Variants in RFLNA observed in about 807,000 individuals in gnomAD.
RFLNA encodes refilin A, also known as refilin-A.
In RFLNA, 5 loss-of-function variants were observed where a neutral mutation model predicts 7.8. That is an observed-to-expected ratio of 0.64 (90% confidence interval 0.34 to 1.35). The LOEUF (loss-of-function observed/expected upper bound fraction) is 1.35, where lower values mean the gene tolerates loss of function less well. Among genes scored for constraint, RFLNA ranks in the 40% most tolerant of loss-of-function variants. RFLNA has a pLI of 0.04. For synonymous variants in RFLNA, 141 were observed against 131.3 expected, an observed-to-expected ratio of 1.07 and a Z score of -0.50; for missense variants, 278 against 305.5, an observed-to-expected ratio of 0.91 and a Z score of 0.67.
At position 124,295,472 on chromosome 12, in the gene RFLNA, A is replaced by G; in HGVS notation, c.43A>G (p.Lys15Glu). 1.6e-6 allele frequency: 2 copies of G among 1,263,532 alleles called. No homozygotes were observed. The highest frequency in any genetic ancestry group is 3.1e-5 in the East Asian group (1 of 31,900). The allele number at this position is 1,263,532 out of a possible 1,614,324, so 78.3% of individuals were successfully genotyped here. A position where few individuals can be genotyped will look rare whatever the true frequency, so the allele number is the denominator to read the frequency against. Residue 15 changes from lysine to glutamate, a missense_variant, in exon 1 of 3, where the codon AAG becomes GAG. Physicochemically the swap from Lys to Glu is moderately conservative, Grantham distance 56. Transcript: ENST00000546355. ...TCTGCAGGGCATGGAGGACAGCCTG[A>G]AGGAGCAGGGCCGGGAGGGCTTGCT... ...LHLQGMEDSL[K>E]EQGREGLLDS... is the part of the protein sequence containing the mutation.
Position 124,315,016 on chromosome 12 carries a change from T to G in RFLNA, c.*491T>G, listed in dbSNP as rs1336409040. On this transcript the variant is annotated 3_prime_UTR_variant, in exon 3 of 3. Transcript: ENST00000546355. ...GTACCTCTCTTCCCTGCTGCTGGCC[T>G]GGGGTATTTCCAAAACAGCCTTTTC... 4 of 264,824 alleles carry G rather than the reference T, an allele frequency of 1.5e-5. No individual in the cohort carries two copies. The highest frequency in any genetic ancestry group is 3.0e-5 in the Non-Finnish European group (4 of 133,064). The allele number at this position is 264,824 out of a possible 1,614,324, so 16.4% of individuals were successfully genotyped here. A position where few individuals can be genotyped will look rare whatever the true frequency, so the allele number is the denominator to read the frequency against.
At chr12:124,307,941 C>T (rs1406360687) in intron 1 of RFLNA, among the ~76,000 whole-genome samples, 2 of 152,010 alleles carry the variant, frequency 1.3e-5, no homozygotes, top group Non-Finnish European at 2.9e-5. Flanking sequence ...TGTGCCCCTG[C>T]CATCCCTGCC....
At chr12:124,295,002 C>T (rs2033879418), upstream of RFLNA, among the ~76,000 whole-genome samples, 1 of 151,954 alleles carries the variant, frequency 6.6e-6, no homozygotes, top group African/African-American at 2.4e-5. Flanking sequence ...AGGCGCCGGG[C>T]CGGGGCTGTT....
upstream of RFLNA, among the ~76,000 whole-genome samples, chr12:124,294,958 C>A (rs1208823194): frequency 3.9e-5 from 6 of 152,220 alleles, no homozygotes; most frequent in East Asian, 1.2e-3. Flanking sequence ...GCTGGCTGGG[C>A]GCGCAGTGCC....
upstream of RFLNA, among the ~76,000 whole-genome samples, chr12:124,290,435 T>C (rs2033804403): frequency 6.6e-6 from 1 of 152,236 alleles, no homozygotes; most frequent in African/African-American, 2.4e-5. This position sits in a 1 kb window ranked among gnomAD's most constrained non-coding sequence, Gnocchi z 4.0. Context: ...TGTATGTGCA[T>C]ACATGTGTAT....
At chr12:124,300,706 G>C (rs945635001) in intron 1 of RFLNA, among the ~76,000 whole-genome samples, 8 of 150,026 alleles carry the variant, frequency 5.3e-5, no homozygotes, top group Non-Finnish European at 8.9e-5. Context: ...AAGGATGGAT[G>C]GATGGGCAGA....
upstream of RFLNA, among the ~76,000 whole-genome samples, chr12:124,294,281 T>C (rs1394252364): frequency 6.6e-6 from 1 of 152,198 alleles, no homozygotes; most frequent in African/African-American, 2.4e-5. Flanking sequence ...CTTCGCCCTA[T>C]TAGCCTCTCC....
intron 2 of RFLNA, among the ~76,000 whole-genome samples, chr12:124,312,616 C>G (rs1345721564): frequency 2.0e-5 from 3 of 152,146 alleles, no homozygotes; most frequent in South Asian, 2.1e-4. Context: ...CAGCCCCTGA[C>G]AGATTGTTAG....
chr12:124,310,172 C>CAAAAAAAAAAAAAAAAAA (rs71088996), intron 1 of RFLNA, among the ~76,000 whole-genome samples: 1,446 of 17,100 alleles, frequency 0.085, 541 homozygotes, highest in Non-Finnish European at 0.14. Context: ...GACTCTGTCT[C>CAAAAAAAAAAAAAAAAAA]AAAAAAAAAA....
In RFLNA at chr12:124,314,570, G is replaced by T; in HGVS notation, c.*45G>T. 1 of 1,533,848 alleles carries T rather than the reference G, an allele frequency of 6.5e-7. No individual in the cohort carries two copies. Among genetic ancestry groups the T allele is most frequent in the Non-Finnish European group, 8.7e-7 (1 of 1,147,848 alleles). On this transcript the variant is annotated 3_prime_UTR_variant, in exon 3 of 3. Coordinates refer to ENST00000546355, the MANE Select transcript of RFLNA (RefSeq NM_001365156.1). ...GGGTGCTGGAGGAGCCGGGAGCCCTGGGGAGAAGCCGGGAGGATGGACACG... is the reference window on the plus strand; with the variant it reads ...GGGTGCTGGAGGAGCCGGGAGCCCTTGGGAGAAGCCGGGAGGATGGACACG...
At chr12:124,292,711 A>G (rs557428358), upstream of RFLNA, among the ~76,000 whole-genome samples, 1 of 152,236 alleles carries the variant, frequency 6.6e-6, no homozygotes, top group East Asian at 1.9e-4. Flanking sequence ...TTCAGGGGAA[A>G]CTTCCAGAAC....
At chr12:124,301,991 G>A (rs1260674915) in intron 1 of RFLNA, among the ~76,000 whole-genome samples, 1 of 152,114 alleles carries the variant, frequency 6.6e-6, no homozygotes, top group Non-Finnish European at 1.5e-5. Flanking sequence ...AAGGGGGTCC[G>A]TCCCACCTGC....
At position 124,310,409 on chromosome 12, in the gene RFLNA, T is replaced by C. The variant is rs538074228; in HGVS notation, c.208-1409T>C. 5.2e-4 allele frequency among the ~76,000 whole-genome samples: 79 copies of C among 151,028 alleles called. 1 individual carries two copies. Among genetic ancestry groups the C allele is most frequent in the Admixed American group, 1.7e-3 (25 of 15,150 alleles). ...TAGGGGGAGGGCAGAAGTGTCACCATGTTGGCATGAGGAGAGGCTGCAGGG... is the reference window on the plus strand; with the variant it reads ...TAGGGGGAGGGCAGAAGTGTCACCACGTTGGCATGAGGAGAGGCTGCAGGG... On this transcript the variant is annotated intron_variant, in intron 1 of 2. Transcript: ENST00000546355.
At chr12:124,291,929 C>T (rs58323362), upstream of RFLNA, among the ~76,000 whole-genome samples, 220 of 152,286 alleles carry the variant, frequency 1.4e-3, 1 homozygote, top group African/African-American at 4.9e-3. Flanking sequence ...GGAAGGTCTT[C>T]CTTCCCAGGG....
intron 1 of RFLNA, among the ~76,000 whole-genome samples, chr12:124,297,983 G>A (rs1011573443): frequency 2.0e-5 from 3 of 152,228 alleles, no homozygotes; most frequent in African/African-American, 7.2e-5. Context: ...ACAAAGAGGC[G>A]GAAACCTGTG....
chr12:124,310,626 T>G (rs1159723365), intron 1 of RFLNA, among the ~76,000 whole-genome samples: 11 of 133,104 alleles, frequency 8.3e-5, no homozygotes, highest in African/African-American at 1.2e-4. Flanking sequence ...CAGGATGGGG[T>G]GGGGGTCCTT....
In RFLNA at chr12:124,295,307, C is replaced by G; in HGVS notation, c.-123C>G. 5.0e-6 allele frequency: 2 copies of G among 397,432 alleles called. No homozygotes were observed. Among genetic ancestry groups the G allele is most frequent in the Non-Finnish European group, 7.7e-6 (2 of 261,326 alleles). 24.6% of individuals were successfully genotyped at this position (397,432 alleles called of 1,614,324 possible). A position where few individuals can be genotyped will look rare whatever the true frequency, so the allele number is the denominator to read the frequency against. On this transcript the variant is annotated 5_prime_UTR_variant, in exon 1 of 3. Transcript: ENST00000546355. The stretch of plus-strand genomic sequence containing the variant: ...GGGGCGCCGGGCCTGATCGCCGCCT[C>G]TCGCGGTGCCCGCAGGTCCCCGGGC...
At chr12:124,304,323 G>A (rs577334369) in intron 1 of RFLNA, among the ~76,000 whole-genome samples, 25 of 152,236 alleles carry the variant, frequency 1.6e-4, no homozygotes, top group Admixed American at 1.2e-3. Flanking sequence ...AGCCTATATC[G>A]GTCTGGGCTT....
Position 124,314,842 on chromosome 12 carries a change from G to C in RFLNA, c.*317G>C. 1.9e-6 allele frequency: 1 copy of C among 519,132 alleles called. No homozygotes were observed. The highest frequency in any genetic ancestry group is 1.7e-5 in the South Asian group (1 of 60,026). The allele number at this position is 519,132 out of a possible 1,614,324, so 32.2% of individuals were successfully genotyped here. On this transcript the variant is annotated 3_prime_UTR_variant, in exon 3 of 3. Coordinates refer to ENST00000546355, the MANE Select transcript of RFLNA (RefSeq NM_001365156.1). ...GTCAGGGGAAAAGAATGGGTCCATG[G>C]AGTGCCCTTGAAGCAGAGAACAGCC...
Sources: allele counts gnomAD v4.1 joint callset (sites outside exome capture counted in the v4.1 genomes callset), GRCh38; gene constraint gnomAD v4.1.1; non-coding constraint Gnocchi (gnomAD v3.1); transcripts MANE v1.5; gene names NCBI Gene and HGNC (gene_info 2026-07-23, HGNC 2026-07-21).